FHIT: variants seen among roughly 807,000 people sequenced by gnomAD.
FHIT encodes the protein bis(5'-adenosyl)-triphosphatase.
Under a neutral mutation model 17.9 loss-of-function variants are expected in FHIT, and 19 were observed. The ratio of observed to expected loss-of-function variants is 1.06; its 90% CI spans 0.74 to 1.56. The LOEUF is 1.56. FHIT is among the 40% of genes most tolerant of loss of function. FHIT has a pLI of 0.00. For synonymous variants in FHIT, 81 were observed against 69.7 expected, an observed-to-expected ratio of 1.16 and a Z score of -0.81; for missense variants, 248 against 189.2, an observed-to-expected ratio of 1.31 and a Z score of -1.82.
chr3:61,057,137 A>C (rs1450873522), intron 2 of FHIT, among the ~76,000 whole-genome samples: 1 of 152,196 alleles, frequency 6.6e-6, no homozygotes, highest in Non-Finnish European at 1.5e-5. Flanking sequence ...TCCAGAGATG[A>C]TTCTGTTTAA....
chr3:60,824,098 T>C lies in FHIT; in HGVS notation c.-110-2087A>G, dbSNP rs149640709. On this transcript the variant is annotated intron_variant, in intron 3 of 9. Coordinates refer to ENST00000492590, the MANE Select transcript of FHIT (RefSeq NM_002012.4). Reference sequence around the variant, plus strand: ...AAGGTGGGAAGCCATTGCCTACTTCTGAGCAGAGGTGAACCAAGATCTGAC... The same window carrying C: ...AAGGTGGGAAGCCATTGCCTACTTCCGAGCAGAGGTGAACCAAGATCTGAC... Among the ~76,000 whole-genome samples the C allele has an allele frequency of 1.0e-3, 159 of 152,298 alleles. 1 individual carries two copies. Among genetic ancestry groups the C allele is most frequent in the African/African-American group, 3.7e-3 (154 of 41,562 alleles).
chr3:60,945,875 T>A (rs782567767), intron 3 of FHIT, among the ~76,000 whole-genome samples: 7 of 152,134 alleles, frequency 4.6e-5, no homozygotes, highest in Non-Finnish European at 1.5e-5. Flanking sequence ...AAAATAGTTT[T>A]CTCAGAAAGT....
At chr3:60,239,002 C>T (rs1340448802) in intron 5 of FHIT, among the ~76,000 whole-genome samples, 1 of 152,072 alleles carries the variant, frequency 6.6e-6, no homozygotes, top group Non-Finnish European at 1.5e-5. Flanking sequence ...TATTTAGGAA[C>T]ATCCCTGGCA....
chr3:60,359,195 C>G (rs1360781551), intron 5 of FHIT, among the ~76,000 whole-genome samples: 3 of 151,604 alleles, frequency 2.0e-5, no homozygotes, highest in East Asian at 1.9e-4. Flanking sequence ...ACAGAGTAGA[C>G]TGGCTTGACT....
intron 4 of FHIT, among the ~76,000 whole-genome samples, chr3:60,769,713 T>C (rs1255647346): frequency 2.6e-5 from 4 of 152,196 alleles, no homozygotes; most frequent in Non-Finnish European, 5.9e-5. Flanking sequence ...AGTTTGAACA[T>C]TCAGCAGTCT....
At chr3:59,850,857 AGGT>A (rs756804459) in intron 8 of FHIT, among the ~76,000 whole-genome samples, 15 of 152,180 alleles carry the variant, frequency 9.9e-5, no homozygotes, top group Non-Finnish European at 1.8e-4. Flanking sequence ...GGGGAGGTAG[AGGT>A]GGTGATCCTG....
chr3:60,713,741 T>G (rs1236844994), intron 4 of FHIT, among the ~76,000 whole-genome samples: 1 of 152,132 alleles, frequency 6.6e-6, no homozygotes, highest in Non-Finnish European at 1.5e-5. Context: ...AGGAAGAAGT[T>G]GAATCTCTGA....
intron 5 of FHIT, among the ~76,000 whole-genome samples, chr3:60,495,126 C>T (rs1302231122): frequency 6.6e-6 from 1 of 152,170 alleles, no homozygotes; most frequent in South Asian, 2.1e-4. Flanking sequence ...ACATCCCCGC[C>T]AGCATTTGTT....
intron 3 of FHIT, among the ~76,000 whole-genome samples, chr3:61,017,458 T>A (rs2032176465): frequency 6.6e-6 from 1 of 152,194 alleles, no homozygotes; most frequent in African/African-American, 2.4e-5. Flanking sequence ...TTAAGAACCA[T>A]GAAGGCTGGT....
chr3:60,261,133 T>C (rs933094536), intron 5 of FHIT, among the ~76,000 whole-genome samples: 1 of 152,060 alleles, frequency 6.6e-6, no homozygotes, highest in Non-Finnish European at 1.5e-5. Context: ...CTTTACTTTT[T>C]GGAATACAAA....
intron 2 of FHIT, among the ~76,000 whole-genome samples, chr3:61,084,616 T>C (rs2035249070): frequency 6.6e-6 from 1 of 152,228 alleles, no homozygotes; most frequent in Non-Finnish European, 1.5e-5. Context: ...TATATTCCTA[T>C]GTTTTTAATA....
At chr3:61,190,263 G>A (rs2038671499) in intron 2 of FHIT, among the ~76,000 whole-genome samples, 1 of 152,148 alleles carries the variant, frequency 6.6e-6, no homozygotes, top group Non-Finnish European at 1.5e-5. Flanking sequence ...ATCAACAAGT[G>A]GGTGAAGGAT....
chr3:60,232,647 G>A (rs1181531335), intron 5 of FHIT, among the ~76,000 whole-genome samples: 1 of 152,142 alleles, frequency 6.6e-6, no homozygotes, highest in African/African-American at 2.4e-5. Context: ...TGATCAGCAA[G>A]TCAGTTCTGC....
intron 8 of FHIT, among the ~76,000 whole-genome samples, chr3:59,901,912 T>C (rs1263037856): frequency 1.3e-5 from 2 of 152,052 alleles, no homozygotes; most frequent in African/African-American, 2.4e-5. Context: ...GATGAACAGA[T>C]AAGTAAAATA....
intron 2 of FHIT, among the ~76,000 whole-genome samples, chr3:61,092,252 C>A (rs1200042396): frequency 6.6e-6 from 1 of 152,022 alleles, no homozygotes; most frequent in Non-Finnish European, 1.5e-5. Context: ...GAAAAATCTA[C>A]TTTATAACTC....
chr3:60,448,496 CAGT>C (rs2031495908), intron 5 of FHIT, among the ~76,000 whole-genome samples: 1 of 152,170 alleles, frequency 6.6e-6, no homozygotes, highest in African/African-American at 2.4e-5. Flanking sequence ...CTCATCTTCA[CAGT>C]AACTCTGAAT....
rs186100301 is a variant in FHIT at position 61,039,267 on chromosome 3, T to C, written c.-111+2780A>G. On this transcript the variant is annotated intron_variant, in intron 3 of 9. Coordinates refer to ENST00000492590, the MANE Select transcript of FHIT (RefSeq NM_002012.4). ...CTACCATTTTGACAAAGACTACCCT[T>C]GTATCTAGTAAGAAACATGAACGTT... Among the ~76,000 whole-genome samples, 7 of 152,274 alleles carry C rather than the reference T, an allele frequency of 4.6e-5. No homozygotes were observed. In the East Asian group the frequency reaches 1.4e-3, roughly 29 times the overall value.
chr3:60,274,407 G>A (rs56308052), intron 5 of FHIT, among the ~76,000 whole-genome samples: 1,823 of 152,122 alleles, frequency 0.012, 17 homozygotes, highest in Non-Finnish European at 0.016. Context: ...AGAACGAAAT[G>A]ACAAAATACC....
chr3:60,426,804 C>G (rs928026844), intron 5 of FHIT, among the ~76,000 whole-genome samples: 7 of 152,098 alleles, frequency 4.6e-5, no homozygotes, highest in South Asian at 4.1e-4. Context: ...GTAGCATGTT[C>G]AATTAAATTG....
Sources: gnomAD v4.1 joint callset for allele counts (sites outside exome capture counted in the v4.1 genomes callset) on GRCh38, gnomAD v4.1.1 for gene constraint, MANE v1.5 for transcripts, NCBI Gene and HGNC (gene_info 2026-07-23, HGNC 2026-07-21) for gene names.